The following MET variants were observed in gnomAD, a reference collection of about 807,000 sequenced individuals.
MET encodes the protein MET proto-oncogene, receptor tyrosine kinase.
Under a neutral mutation model 133.1 loss-of-function variants are expected in MET, and 48 were observed. The observed-to-expected ratio is 0.36, with a 90% CI of 0.29 to 0.46. MET has a LOEUF of 0.46. MET is among the 20% of genes least tolerant of loss of function. The pLI is 1.00. For synonymous variants in MET, 628 were observed against 616.5 expected (o/e 1.02, Z -0.28); for missense variants, 1,442 against 1,695.9 (o/e 0.85, Z 2.63).
At chr7:116,690,609 G>T (rs1454652222) in intron 1 of MET, among the ~76,000 whole-genome samples, 4 of 152,168 alleles carry the variant, frequency 2.6e-5, no homozygotes. Flanking sequence ...AGTAAATGTA[G>T]GTGCTTTTGA....
intron 11 of MET, among the ~76,000 whole-genome samples, chr7:116,768,099 A>G (rs1358133031): frequency 6.6e-6 from 1 of 151,808 alleles, no homozygotes; most frequent in Non-Finnish European, 1.5e-5. Context: ...TTTGGTATCT[A>G]CATATAAAAT....
intron 5 of MET, among the ~76,000 whole-genome samples, chr7:116,742,332 T>C (rs966216953): frequency 6.6e-6 from 1 of 152,220 alleles, no homozygotes; most frequent in Non-Finnish European, 1.5e-5. Context: ...ACAAAACAAA[T>C]TTAAATCTAT....
In MET at chr7:116,791,558, TTTAG is replaced by T. The variant is rs1412591012; in HGVS notation, c.3799-4092_3799-4089del. On this transcript the variant is annotated intron_variant, in intron 19 of 20. Transcript: ENST00000397752. ...TTTAAGTATTTATTAATAATATTAA[TTTAG>T]TTAGGGTTTATTTTATTGGCTTGTT... Among the ~76,000 whole-genome samples, 21 of 152,308 alleles carry T rather than the reference TTTAG, an allele frequency of 1.4e-4. 1 individual carries two copies. Among genetic ancestry groups the T allele is most frequent in the African/African-American group, 4.3e-4 (18 of 41,578 alleles).
chr7:116,793,835 G>A (rs1243757538), intron 19 of MET, among the ~76,000 whole-genome samples: 1 of 152,018 alleles, frequency 6.6e-6, no homozygotes, highest in Non-Finnish European at 1.5e-5. Flanking sequence ...GGAGGAAGAG[G>A]TTGCAGTACA....
At chr7:116,740,762 AT>A in intron 4 of MET, 89 bp from the exon 5 acceptor site, 1 of 1,493,648 alleles carries the variant, frequency 6.7e-7, no homozygotes, top group Non-Finnish European at 9.3e-7. Context: ...ATCAAATGAT[AT>A]TTACATGTAC....
chr7:116,676,373 T>C (rs922260960), intron 1 of MET, among the ~76,000 whole-genome samples: 2 of 152,218 alleles, frequency 1.3e-5, no homozygotes, highest in Admixed American at 6.5e-5. Flanking sequence ...GTTCCTGTAC[T>C]CCAAGAATGT....
chr7:116,737,520 G>T (rs938299267), intron 3 of MET, among the ~76,000 whole-genome samples: 3 of 152,192 alleles, frequency 2.0e-5, no homozygotes, highest in Non-Finnish European at 4.4e-5. Context: ...ATGGATTCTG[G>T]CCTCAGATAA....
At chr7:116,675,009 G>T (rs1796107072) in intron 1 of MET, among the ~76,000 whole-genome samples, 1 of 152,216 alleles carries the variant, frequency 6.6e-6, no homozygotes. Flanking sequence ...TCTTTTCCTG[G>T]CTGGTGTATG....
At position 116,797,778 on chromosome 7, in the gene MET, A is replaced by G. The variant is rs1190758534; in HGVS notation, c.*1654A>G. ...TAAATTGCGATAAGGAAATGTACTG[A>G]TTGCCAATACACCCCACCCTCATTA... is the stretch of plus-strand genomic sequence containing the variant. On this transcript the variant is annotated 3_prime_UTR_variant, in exon 21 of 21. Coordinates refer to ENST00000397752, the MANE Select transcript of MET (RefSeq NM_000245.4). 8.8e-6 allele frequency: 2 copies of G among 227,114 alleles called. No homozygotes were observed. Among genetic ancestry groups the G allele is most frequent in the Non-Finnish European group, 1.8e-5 (2 of 114,236 alleles). The allele number at this position is 227,114 out of a possible 1,614,324, so 14.1% of individuals were successfully genotyped here.
intron 19 of MET, among the ~76,000 whole-genome samples, chr7:116,787,641 A>G (rs1795358957): frequency 2.0e-5 from 3 of 151,590 alleles, no homozygotes. Flanking sequence ...GTAGAGCCTC[A>G]TGACCTAATT....
At chr7:116,790,731 T>G (rs2117090416) in intron 19 of MET, among the ~76,000 whole-genome samples, 1 of 152,284 alleles carries the variant, frequency 6.6e-6, no homozygotes, top group African/African-American at 2.4e-5. Context: ...TATTTTTGAG[T>G]AGTATTCCAT....
intron 2 of MET, chr7:116,724,959 G>C: frequency 1.1e-6 from 1 of 921,828 alleles, no homozygotes; most frequent in South Asian, 1.6e-5. Context: ...GTAAACACTA[G>C]GAACAAATGC....
intron 11 of MET, among the ~76,000 whole-genome samples, chr7:116,766,078 TCTTAA>T: frequency 6.6e-6 from 1 of 152,374 alleles, no homozygotes; most frequent in South Asian, 2.1e-4. Context: ...AGGGAATAGC[TCTTAA>T]CTTTTTATAA....
At chr7:116,695,602 T>C (rs922306353) in intron 1 of MET, 1 of 267,410 alleles carries the variant, frequency 3.7e-6, no homozygotes, top group Non-Finnish European at 7.8e-6. Flanking sequence ...CACCTCGCTT[T>C]GGAAGCTGCT....
rs1796012714 is a variant in MET at position 116,672,559 on chromosome 7, G to A, written c.-33G>A. The stretch of plus-strand genomic sequence containing the variant: ...TCCTTGCGCCGCTGACTTCTCCACT[G>A]GTTCCTGGGCACCGAAAGGTAAAAT... On this transcript the variant is annotated 5_prime_UTR_variant, in exon 1 of 21. Coordinates refer to ENST00000397752, the MANE Select transcript of MET (RefSeq NM_000245.4). 2 of 395,372 alleles carry A rather than the reference G, an allele frequency of 5.1e-6. No individual in the cohort carries two copies. Among genetic ancestry groups the A allele is most frequent in the Non-Finnish European group, 8.9e-6 (2 of 223,948 alleles). The allele number at this position is 395,372 out of a possible 1,614,324, so 24.5% of individuals were successfully genotyped here.
intron 5 of MET, among the ~76,000 whole-genome samples, chr7:116,753,322 C>T (rs1794001447): frequency 6.6e-6 from 1 of 152,204 alleles, no homozygotes; most frequent in Non-Finnish European, 1.5e-5. Flanking sequence ...CACCATTGTA[C>T]TTTACAGCAC....
chr7:116,676,799 A>G (rs1011874013), intron 1 of MET, among the ~76,000 whole-genome samples: 1 of 152,148 alleles, frequency 6.6e-6, no homozygotes, highest in African/African-American at 2.4e-5. Flanking sequence ...TGCAGTTCAC[A>G]GCTTGCACAA....
intron 2 of MET, among the ~76,000 whole-genome samples, chr7:116,707,002 C>T (rs914346922): frequency 6.6e-6 from 1 of 150,584 alleles, no homozygotes; most frequent in African/African-American, 2.4e-5. Flanking sequence ...CAGGCAGGTT[C>T]ATTTGCATGT....
chr7:116,712,754 C>A (rs1792047591), intron 2 of MET, among the ~76,000 whole-genome samples: 1 of 150,210 alleles, frequency 6.7e-6, no homozygotes, highest in African/African-American at 2.5e-5. Flanking sequence ...GATCAAAGAA[C>A]AAAGAAGAAG....
Sources: allele counts gnomAD v4.1 joint callset (sites outside exome capture counted in the v4.1 genomes callset), GRCh38; gene constraint gnomAD v4.1.1; transcripts MANE v1.5; gene names NCBI Gene and HGNC (gene_info 2026-07-23, HGNC 2026-07-21).